DCAF12: variants seen among roughly 807,000 people sequenced by gnomAD.
DCAF12 encodes the protein DDB1- and CUL4-associated factor 12.
A neutral mutation model predicts 52.8 loss-of-function variants in DCAF12; 28 were observed. That is an observed-to-expected ratio of 0.53 (90% CI 0.39 to 0.73). The LOEUF (loss-of-function observed/expected upper bound fraction) is 0.73. Among genes scored for constraint, DCAF12 ranks in the 30% least tolerant of loss-of-function variants. DCAF12 has a pLI of 0.00. For missense variants in DCAF12, 425 were observed against 552.2 expected, an observed-to-expected ratio of 0.77 and a Z score of 2.31; for synonymous variants, 196 against 215.5, an observed-to-expected ratio of 0.91 and a Z score of 0.79.
chr9:34,104,928 A>G (rs1310864548), intron 4 of DCAF12, among the ~76,000 whole-genome samples: 1 of 151,944 alleles, frequency 6.6e-6, no homozygotes, highest in Non-Finnish European at 1.5e-5. Context: ...CAAAAAAAAA[A>G]AAGAAAGAAT....
At chr9:34,096,948 T>C (rs1322927606) in intron 5 of DCAF12, among the ~76,000 whole-genome samples, 167 bp from the exon 6 acceptor site, 1 of 152,162 alleles carries the variant, frequency 6.6e-6, no homozygotes, top group Non-Finnish European at 1.5e-5. Flanking sequence ...AGAACCTAGC[T>C]GAATGGCATA....
At chr9:34,120,600 G>A (rs1232794998) in intron 2 of DCAF12, among the ~76,000 whole-genome samples, 1 of 149,206 alleles carries the variant, frequency 6.7e-6, no homozygotes, top group African/African-American at 2.5e-5. Context: ...GAACCCGGAG[G>A]CAAAGGTTAC....
intron 5 of DCAF12, among the ~76,000 whole-genome samples, chr9:34,097,808 C>T (rs1325472395): frequency 6.6e-6 from 1 of 152,030 alleles, no homozygotes; most frequent in African/African-American, 2.4e-5. Flanking sequence ...CGGTGCATGC[C>T]TGTAGTCCCA....
intron 2 of DCAF12, among the ~76,000 whole-genome samples, chr9:34,114,715 GA>G (rs1829057452): frequency 6.6e-6 from 1 of 152,132 alleles, no homozygotes; most frequent in Non-Finnish European, 1.5e-5. Context: ...AGGATGGGGG[GA>G]AAGAGACATG....
At chr9:34,093,855 T>A in intron 6 of DCAF12, 1 of 178,580 alleles carries the variant, frequency 5.6e-6, no homozygotes, top group Admixed American at 5.5e-5. Flanking sequence ...GAGGCTGATC[T>A]CTGGCTACCC....
intron 6 of DCAF12, chr9:34,095,837 C>G (rs2131427973): frequency 6.6e-6 from 1 of 152,228 alleles, no homozygotes; most frequent in Middle Eastern, 3.4e-3. Context: ...TCAGGATTTC[C>G]TTCCCTTACA....
rs553718282 is a variant in DCAF12 at position 34,117,680 on chromosome 9, C to T, written c.333+7343G>A. 2.5e-3 allele frequency among the ~76,000 whole-genome samples: 384 copies of T among 152,116 alleles called. 1 individual carries two copies. Among genetic ancestry groups the T allele is most frequent in the Non-Finnish European group, 3.9e-3 (268 of 67,968 alleles). On this transcript the variant is annotated intron_variant, in intron 2 of 8. Coordinates refer to ENST00000361264, the MANE Select transcript of DCAF12 (RefSeq NM_015397.4). Reference sequence around the variant, plus strand: ...CTGTAATCCCAGCACTTTGGGAGGCCCAGGCGGGAGGATCACCTGAGGTTG... The same window carrying T: ...CTGTAATCCCAGCACTTTGGGAGGCTCAGGCGGGAGGATCACCTGAGGTTG...
intron 1 of DCAF12, 108 bp downstream of exon 1, chr9:34,126,246 C>T (rs1829248490): frequency 2.1e-6 from 3 of 1,400,416 alleles, no homozygotes; most frequent in Non-Finnish European, 2.9e-6. Flanking sequence ...CCTGTTTTGC[C>T]TCTGACTGCA....
At position 34,098,309 on chromosome 9, in the gene DCAF12, T is replaced by C. The variant is rs767720148; in HGVS notation, c.795+15A>G. ...AAGAGGAATACACGTCAGGGATCCC[T>C]ACACAAGTTCATACCTTGTTCTTGT... is the stretch of plus-strand genomic sequence containing the variant. On this transcript the variant is annotated intron_variant, in intron 5 of 8. Transcript: ENST00000361264. 9 of 1,611,284 alleles carry C rather than the reference T, an allele frequency of 5.6e-6. No homozygotes were observed. The African/African-American group carries it at 1.1e-4, about 19-fold the overall frequency.
rs1190164407 is a variant in DCAF12, at chr9:34,117,780, G to A, written c.333+7243C>T. Among the ~76,000 whole-genome samples the A allele has an allele frequency of 2.6e-5, 4 of 152,202 alleles. No homozygotes were observed. The East Asian group carries it at 7.8e-4, about 30-fold the overall frequency. ...AAATACAAAATTAGCTGGGTGTGGT[G>A]GCGCATGCCTGTAATTCCAGCTACT... On this transcript the variant is annotated intron_variant, in intron 2 of 8. Coordinates refer to ENST00000361264, the MANE Select transcript of DCAF12 (RefSeq NM_015397.4).
chr9:34,104,137 C>T (rs1564097589), intron 4 of DCAF12, among the ~76,000 whole-genome samples: 1 of 151,734 alleles, frequency 6.6e-6, no homozygotes, highest in African/African-American at 2.4e-5. Context: ...CAGTGGCACG[C>T]ACCTGTAGTC....
At chr9:34,118,148 G>GA (rs1829115983) in intron 2 of DCAF12, among the ~76,000 whole-genome samples, 1 of 151,684 alleles carries the variant, frequency 6.6e-6, no homozygotes, top group East Asian at 1.9e-4. Context: ...TTCCAAGATG[G>GA]AAAAAAAGAC....
intron 6 of DCAF12, among the ~76,000 whole-genome samples, chr9:34,094,205 G>C (rs1162154548): frequency 6.6e-6 from 1 of 152,102 alleles, no homozygotes; most frequent in African/African-American, 2.4e-5. Flanking sequence ...AGGAGTTTGA[G>C]ACCAGGCTGG....
At chr9:34,096,454 A>G (rs942685685) in intron 6 of DCAF12, among the ~76,000 whole-genome samples, 40 of 152,054 alleles carry the variant, frequency 2.6e-4, no homozygotes, top group African/African-American at 9.4e-4. Context: ...CAAAAAAAAT[A>G]CCTGGGCATG....
At chr9:34,120,098 G>T (rs1418755334) in intron 2 of DCAF12, among the ~76,000 whole-genome samples, 1 of 145,910 alleles carries the variant, frequency 6.9e-6, no homozygotes, top group Non-Finnish European at 1.5e-5. Context: ...AGCTACTCAA[G>T]AGGCTGAGGC....
chr9:34,119,861 C>A (rs1365387315), intron 2 of DCAF12, among the ~76,000 whole-genome samples: 1 of 151,860 alleles, frequency 6.6e-6, no homozygotes, highest in African/African-American at 2.4e-5. Context: ...GCCACCATGC[C>A]CAGCTAATTC....
intron 7 of DCAF12, among the ~76,000 whole-genome samples, chr9:34,091,751 G>C (rs1828648547): frequency 6.6e-6 from 1 of 151,698 alleles, no homozygotes; most frequent in African/African-American, 2.4e-5. Flanking sequence ...GCAATCCACA[G>C]TGTGCCTTTT....
At chr9:34,106,698 T>C (rs1052221161) in intron 3 of DCAF12, among the ~76,000 whole-genome samples, 10 of 152,150 alleles carry the variant, frequency 6.6e-5, no homozygotes, top group African/African-American at 2.4e-4. Flanking sequence ...TGGAATGAAA[T>C]TGGCACTACT....
chr9:34,095,193 G>T lies in DCAF12; in HGVS notation c.861+1523C>A, dbSNP rs1828716128. Among the ~76,000 whole-genome samples the T allele has an allele frequency of 3.3e-5, 5 of 151,512 alleles. No individual in the cohort carries two copies. The South Asian group carries it at 1.0e-3, about 32-fold the overall frequency. ...GGGTTCAAGCGATTCTCCTGCCTCA[G>T]CCTCCCAAGTATCTGGGACTACAGA... On this transcript the variant is annotated intron_variant, in intron 6 of 8. Coordinates refer to ENST00000361264, the MANE Select transcript of DCAF12 (RefSeq NM_015397.4).
Sources: gnomAD v4.1 joint callset for allele counts (sites outside exome capture counted in the v4.1 genomes callset) on GRCh38, gnomAD v4.1.1 for gene constraint, MANE v1.5 for transcripts, NCBI Gene and HGNC (gene_info 2026-07-23, HGNC 2026-07-21) for gene names.